ITGB1: variants seen among roughly 807,000 people sequenced by gnomAD.
The protein encoded by ITGB1 is integrin subunit beta 1, also known as integrin beta-1.
Under a neutral mutation model 86.5 loss-of-function variants are expected in ITGB1, and 24 were observed. The ratio of observed to expected loss-of-function variants is 0.28; its 90% confidence interval spans 0.20 to 0.39. The LOEUF is 0.39. Among genes scored for constraint, ITGB1 ranks in the 10% least tolerant of loss-of-function variants. ITGB1 has a pLI of 1.00. For synonymous variants in ITGB1, 323 were observed against 316.8 expected, an observed-to-expected ratio of 1.02 and a Z score of -0.21; for missense variants, 556 against 946.9, an observed-to-expected ratio of 0.59 and a Z score of 5.42.
At chr10:32,939,759 AGTGAGT>A (rs1363453786) in intron 1 of ITGB1, among the ~76,000 whole-genome samples, 4 of 141,126 alleles carry the variant, frequency 2.8e-5, no homozygotes, top group South Asian at 2.5e-4. Flanking sequence ...TGAGTGAGTG[AGTGAGT>A]GAGAGGGGCA....
intron 3 of ITGB1, 139 bp from the exon 4 acceptor site, chr10:32,930,183 T>TTTTAAACAAAATTCTG: frequency 1.6e-6 from 1 of 611,484 alleles, no homozygotes. Context: ...TTAAACAAAA[T>TTTTAAACAAAATTCTG]GCTCCCTTCA....
At chr10:32,932,378 A>T in intron 3 of ITGB1, 137 bp downstream of exon 3, 2 of 575,380 alleles carry the variant, frequency 3.5e-6, no homozygotes, top group South Asian at 4.8e-5. Context: ...ACTGTGTTGA[A>T]CCACATAGCT....
chr10:32,920,114 A>G (rs529782489), intron 10 of ITGB1, 30 bp from the exon 11 acceptor site: 2 of 1,589,354 alleles, frequency 1.3e-6, no homozygotes, highest in Admixed American at 1.7e-5. Context: ...TTAACAACCA[A>G]CTAAACAATT....
intron 1 of ITGB1, among the ~76,000 whole-genome samples, chr10:32,947,468 T>TGTGTGTGTGTGTGTGTGTGTGTGTGTG: frequency 6.6e-6 from 1 of 150,434 alleles, no homozygotes; most frequent in East Asian, 2.0e-4. Context: ...TGTGTGTGTG[T>TGTGTGTGTGTGTGTGTGTGTGTGTGTG]ACGTACATAC....
intron 11 of ITGB1, among the ~76,000 whole-genome samples, chr10:32,917,734 A>G (rs1352218881): frequency 1.3e-5 from 2 of 152,254 alleles, no homozygotes; most frequent in Non-Finnish European, 2.9e-5. Context: ...GTACACTTTT[A>G]CACTGCTGGT....
chr10:32,908,332 T>C lies in ITGB1; in HGVS notation c.2331+36A>G, dbSNP rs772671351. ...TCTTAGGAGTATTACATTTACTTTA[T>C]AAGCCACTTTGCTTTTTGGATGTTT... On this transcript the variant is annotated intron_variant, in intron 15 of 15. Coordinates refer to ENST00000302278, the MANE Select transcript of ITGB1 (RefSeq NM_002211.4). The C allele has an allele frequency of 1.9e-6, 3 of 1,596,080 alleles. No individual in the cohort carries two copies. The South Asian group carries it at 3.3e-5, about 18-fold the overall frequency.
At chr10:32,930,095 C>A (rs1565827312) in intron 3 of ITGB1, 51 bp from the exon 4 acceptor site, 1 of 787,862 alleles carries the variant, frequency 1.3e-6, no homozygotes, top group Non-Finnish European at 2.2e-6. Flanking sequence ...ATGGTCAAAC[C>A]TTTTTACATA....
chr10:32,929,916 A>G lies in ITGB1; in HGVS notation c.282T>C (p.Asn94=), dbSNP rs202031011. 4.7e-5 allele frequency: 75 copies of G among 1,608,430 alleles called. 1 individual carries two copies. The highest frequency in any genetic ancestry group is 6.2e-5 in the Non-Finnish European group (73 of 1,175,000). ...RGSKDIKKNK[N]VTNRSKGTAE... The stretch of plus-strand genomic sequence containing the variant: ...CTGTTCCTTTGCTACGGTTGGTTAC[A>G]TTTTTATTTTTCTTTATATCTTTGG... Residue 94 remains asparagine, a synonymous_variant, in exon 4 of 16, where the codon AAT becomes AAC. Transcript: ENST00000302278.
chr10:32,937,754 A>C (rs1044809726), intron 1 of ITGB1, among the ~76,000 whole-genome samples: 1 of 152,156 alleles, frequency 6.6e-6, no homozygotes, highest in Non-Finnish European at 1.5e-5. Flanking sequence ...TTGTTTTTTA[A>C]ACTGTTAGGG....
intron 8 of ITGB1, 52 bp downstream of exon 8, chr10:32,922,588 T>A: frequency 8.6e-7 from 1 of 1,167,154 alleles, no homozygotes; most frequent in East Asian, 2.4e-5. Flanking sequence ...ATGATTTGCC[T>A]CTAACAATCA....
chr10:32,923,776 T>G (rs375443397), intron 6 of ITGB1, 36 bp from the exon 7 acceptor site: 2 of 1,545,338 alleles, frequency 1.3e-6, no homozygotes, highest in East Asian at 2.3e-5. Flanking sequence ...TAAAACACTA[T>G]TCACAGTAAT....
chr10:32,906,085 A>G (rs566616920), intron 15 of ITGB1, among the ~76,000 whole-genome samples: 1 of 152,112 alleles, frequency 6.6e-6, no homozygotes, highest in African/African-American at 2.4e-5. Flanking sequence ...TATATAATAT[A>G]CATACATATA....
Position 32,954,565 on chromosome 10 carries a change from A to G in ITGB1, c.-1+3580T>C, listed in dbSNP as rs189955903. Among the ~76,000 whole-genome samples, 109 of 152,336 alleles carry G rather than the reference A, an allele frequency of 7.2e-4. 1 individual carries two copies. The highest frequency in any genetic ancestry group is 7.1e-3 in the Admixed American group (108 of 15,300). ...CAATATAGTAAGATTATCAATCATA[A>G]TCAAAATTTTAAATTTTAAAGTGAT... On this transcript the variant is annotated intron_variant, in intron 1 of 15. Transcript: ENST00000302278.
chr10:32,935,452 C>T (rs374926715), intron 2 of ITGB1, 40 bp downstream of exon 2: 22 of 1,317,734 alleles, frequency 1.7e-5, no homozygotes, highest in Middle Eastern at 3.7e-4. Context: ...ATACAAGATA[C>T]GGAAATGAAA....
chr10:32,919,794 G>C, intron 11 of ITGB1, 91 bp downstream of exon 11: 1 of 1,103,622 alleles, frequency 9.1e-7, no homozygotes, highest in African/African-American at 1.5e-5. Context: ...GCTCCAAATA[G>C]AGAGATATTC....
At chr10:32,914,752 C>T (rs1233906206) in intron 11 of ITGB1, among the ~76,000 whole-genome samples, 12 of 151,914 alleles carry the variant, frequency 7.9e-5, no homozygotes, top group African/African-American at 2.9e-4. Context: ...ATTAGACAGA[C>T]CAACGAGACA....
intron 15 of ITGB1, among the ~76,000 whole-genome samples, chr10:32,905,561 G>A (rs921588764): frequency 6.6e-6 from 1 of 152,180 alleles, no homozygotes; most frequent in African/African-American, 2.4e-5. Flanking sequence ...CTGCTACCAA[G>A]TACAATGTCA....
chr10:32,902,609 GA>G (rs1289033104), intron 15 of ITGB1, among the ~76,000 whole-genome samples: 1 of 151,912 alleles, frequency 6.6e-6, no homozygotes, highest in East Asian at 1.9e-4. Flanking sequence ...TTTTTTTTAA[GA>G]AAAAATTAAG....
chr10:32,926,678 C>T (rs975644720), intron 5 of ITGB1, among the ~76,000 whole-genome samples: 1 of 152,124 alleles, frequency 6.6e-6, no homozygotes, highest in East Asian at 1.9e-4. Flanking sequence ...CTTGCAGGAC[C>T]GTAAACCAAT....
Sources: gnomAD v4.1 joint callset for allele counts (sites outside exome capture counted in the v4.1 genomes callset) on GRCh38, gnomAD v4.1.1 for gene constraint, MANE v1.5 for transcripts, NCBI Gene and HGNC (gene_info 2026-07-23, HGNC 2026-07-21) for gene names.